PDE1A: variants seen among roughly 807,000 people sequenced by gnomAD.
PDE1A encodes the protein dual specificity calcium/calmodulin-dependent 3',5'-cyclic nucleotide phosphodiesterase 1A.
A neutral mutation model predicts 61.7 loss-of-function variants in PDE1A; 35 were observed. The ratio of observed to expected loss-of-function variants is 0.57; its 90% CI spans 0.43 to 0.75. PDE1A has a LOEUF of 0.75. PDE1A is among the 30% of genes least tolerant of loss of function. The pLI, the probability that PDE1A is intolerant of heterozygous loss-of-function variation, is 0.00. For missense variants in PDE1A, 597 were observed against 630.6 expected (o/e 0.95, Z 0.57); for synonymous variants, 232 against 213.2 (o/e 1.09, Z -0.77).
At chr2:182,688,589 G>T in the PDE1A span, among the ~76,000 whole-genome samples, 1 of 152,176 alleles carries the variant, frequency 6.6e-6, no homozygotes, top group South Asian at 2.1e-4. Flanking sequence ...AAATTGTAAA[G>T]ACCATCAAGG....
At chr2:182,542,720 G>T in the PDE1A span, among the ~76,000 whole-genome samples, 1 of 152,082 alleles carries the variant, frequency 6.6e-6, no homozygotes, top group Non-Finnish European at 1.5e-5. Flanking sequence ...TTACGTCAAC[G>T]AATGATAAAT....
chr2:182,273,956 C>T (rs971627214), intron 1 of PDE1A, among the ~76,000 whole-genome samples: 8 of 152,048 alleles, frequency 5.3e-5, no homozygotes, highest in Admixed American at 2.6e-4. Context: ...ATTTCTTTCT[C>T]GCAGTCCTGG....
At chr2:182,145,385 C>A (rs751783772), downstream of PDE1A, among the ~76,000 whole-genome samples, 1 of 152,020 alleles carries the variant, frequency 6.6e-6, no homozygotes, top group Non-Finnish European at 1.5e-5. Flanking sequence ...ATTGCCAAAT[C>A]GTCTGCTCGG....
the PDE1A span, among the ~76,000 whole-genome samples, chr2:182,557,003 G>A: frequency 2.6e-3 from 392 of 152,318 alleles, 3 homozygotes; most frequent in African/African-American, 9.0e-3. Context: ...CCTGGAATTA[G>A]AATAAACAAG....
chr2:182,618,088 G>A, the PDE1A span, among the ~76,000 whole-genome samples: 1 of 152,110 alleles, frequency 6.6e-6, no homozygotes, highest in Non-Finnish European at 1.5e-5. Flanking sequence ...ATGTTCTAAT[G>A]TCACGGACAT....
the PDE1A span, among the ~76,000 whole-genome samples, chr2:182,677,531 A>G: frequency 6.6e-6 from 1 of 152,190 alleles, no homozygotes; most frequent in Middle Eastern, 3.2e-3. Context: ...TTCCTCACAG[A>G]GCTAGACAAA....
rs577159071 is a variant in PDE1A, at chr2:182,356,561, G to A, written c.53+70017C>T. ...GCTCAGGAGTTCAAAACCAGCCTGG[G>A]CAACATGGAGAAACCCCATCTCCAC... is the stretch of plus-strand genomic sequence containing the variant. On this transcript the variant is annotated intron_variant, in intron 1 of 13. Coordinates refer to ENST00000351439, the Ensembl canonical transcript of PDE1A. Among the ~76,000 whole-genome samples the A allele has an allele frequency of 1.1e-4, 17 of 152,040 alleles. No homozygotes were observed. In the East Asian group the frequency reaches 3.3e-3, roughly 29 times the overall value.
At chr2:182,429,954 G>A (rs1703848943), upstream of PDE1A, among the ~76,000 whole-genome samples, 2 of 152,130 alleles carry the variant, frequency 1.3e-5, no homozygotes, top group Admixed American at 1.3e-4. Context: ...GAGACCACAT[G>A]TGTGTTCTTT....
intron 4 of PDE1A, among the ~76,000 whole-genome samples, chr2:182,233,775 C>CCACACACACACA (rs4018725): frequency 6.8e-6 from 1 of 147,188 alleles, no homozygotes; most frequent in African/African-American, 2.5e-5. Flanking sequence ...CACATGAACA[C>CCACACACACACA]CACACACACA....
chr2:182,678,582 A>T, the PDE1A span, among the ~76,000 whole-genome samples: 1 of 152,340 alleles, frequency 6.6e-6, no homozygotes, highest in South Asian at 2.1e-4. Flanking sequence ...AACTACAAAC[A>T]ATAAGATTTC....
chr2:182,647,883 C>T, the PDE1A span, among the ~76,000 whole-genome samples: 1 of 149,864 alleles, frequency 6.7e-6, no homozygotes, highest in African/African-American at 2.5e-5. Flanking sequence ...CAGAGGAGGA[C>T]AAAAAAGGGA....
the PDE1A span, among the ~76,000 whole-genome samples, chr2:182,598,780 T>G: frequency 6.6e-6 from 1 of 152,174 alleles, no homozygotes; most frequent in African/African-American, 2.4e-5. Context: ...CACTTTATAC[T>G]GAGCATGTGT....
chr2:182,454,921 T>C (rs201540071), intron 2 of PDE1A, among the ~76,000 whole-genome samples: 12,400 of 130,404 alleles, frequency 0.095, 912 homozygotes, highest in Middle Eastern at 0.25. Flanking sequence ...CTAATTAAAC[T>C]AAAGAGCTTC....
intron 2 of PDE1A, among the ~76,000 whole-genome samples, chr2:182,464,149 T>C (rs1432074168): frequency 3.3e-5 from 5 of 152,158 alleles, no homozygotes. Flanking sequence ...TTCTATGTTT[T>C]CTTTAGGCTA....
intron 1 of PDE1A, among the ~76,000 whole-genome samples, chr2:182,399,593 A>T (rs1170733648): frequency 6.6e-6 from 1 of 151,974 alleles, no homozygotes; most frequent in Non-Finnish European, 1.5e-5. Context: ...TCCTTTTACA[A>T]TTTTCTCAAT....
intron 3 of PDE1A, 73 bp downstream of exon 3, chr2:182,240,037 T>C (rs1574115528): frequency 7.4e-7 from 1 of 1,353,598 alleles, no homozygotes; most frequent in Non-Finnish European, 1.0e-6. Context: ...AGACTGCTCA[T>C]ACCCTTGAAA....
intron 2 of PDE1A, among the ~76,000 whole-genome samples, chr2:182,508,213 A>G (rs1235152932): frequency 1.3e-5 from 2 of 152,108 alleles, no homozygotes; most frequent in Non-Finnish European, 2.9e-5. Context: ...TTCTCAATAA[A>G]TTACTAACAT....
intron 6 of PDE1A, among the ~76,000 whole-genome samples, chr2:182,228,007 G>C (rs1689274323): frequency 6.6e-6 from 1 of 152,084 alleles, no homozygotes; most frequent in Admixed American, 6.6e-5. Flanking sequence ...AGTGCCAGGA[G>C]CCCTCTAATG....
intron 2 of PDE1A, among the ~76,000 whole-genome samples, chr2:182,488,647 T>C (rs538314806): frequency 6.6e-6 from 1 of 152,326 alleles, no homozygotes; most frequent in African/African-American, 2.4e-5. Context: ...AAATTGTAAA[T>C]ACATGAAATG....
Sources: gnomAD v4.1 joint callset for allele counts (sites outside exome capture counted in the v4.1 genomes callset) on GRCh38, gnomAD v4.1.1 for gene constraint, MANE v1.5 for transcripts, NCBI Gene and HGNC (gene_info 2026-07-23, HGNC 2026-07-21) for gene names.